The following TNKS variants were observed in gnomAD, a reference collection of about 807,000 sequenced individuals.
TNKS encodes poly [ADP-ribose] polymerase tankyrase-1.
Under a neutral mutation model 135.8 loss-of-function variants are expected in TNKS, and 72 were observed. That is an observed-to-expected ratio of 0.53 (90% CI 0.44 to 0.64). TNKS has a LOEUF of 0.64. Among genes scored for constraint, TNKS ranks in the 30% least tolerant of loss-of-function variants. TNKS has a pLI of 0.00. For synonymous variants in TNKS, 849 were observed against 649.3 expected (o/e 1.31, Z -4.68); for missense variants, 1,769 against 1,674.0 (o/e 1.06, Z -0.99).
intron 15 of TNKS, among the ~76,000 whole-genome samples, chr8:9,733,958 A>T (rs1300961043): frequency 6.6e-6 from 1 of 152,180 alleles, no homozygotes; most frequent in African/African-American, 2.4e-5. Context: ...TAGTAGTTAT[A>T]TGAAACTAAC....
At chr8:9,606,969 C>T (rs148584043) in intron 2 of TNKS, among the ~76,000 whole-genome samples, 267 of 152,136 alleles carry the variant, frequency 1.8e-3, no homozygotes, top group African/African-American at 5.9e-3. Context: ...CCTTGTTTTG[C>T]CTCGGTTTTG....
chr8:9,705,787 G>T (rs927024475), intron 6 of TNKS, among the ~76,000 whole-genome samples: 1 of 152,160 alleles, frequency 6.6e-6, no homozygotes. Flanking sequence ...TGATATGCAA[G>T]TTATAATAGT....
chr8:9,657,302 A>AC (rs1415002185), intron 3 of TNKS, among the ~76,000 whole-genome samples: 33 of 53,202 alleles, frequency 6.2e-4, no homozygotes, highest in African/African-American at 2.3e-3. Flanking sequence ...CGGGGGGCCG[A>AC]CCCCCCCACC....
chr8:9,765,782 C>G lies in TNKS; in HGVS notation c.3538C>G (p.Arg1180Gly), dbSNP rs758419770. The G allele has an allele frequency of 1.2e-6, 2 of 1,613,700 alleles. No homozygotes were observed. The highest frequency in any genetic ancestry group is 1.7e-6 in the Non-Finnish European group (2 of 1,179,740). The change falls in exon 24 of 27, where the codon CGC becomes GGC. Residue 1180 changes from arginine (R) to glycine (G), a missense_variant. Transcript: ENST00000310430. ...GGAGAATCACAACCATCACAATGAG[C>G]GCATGTTGTTTCATGGTAAGCAGCG... ...SEENHNHHNE[R>G]MLFHGSPFIN...
chr8:9,615,699 G>A lies in TNKS; in HGVS notation c.994+22G>A, dbSNP rs760176999. 34 of 1,568,498 alleles carry A rather than the reference G, an allele frequency of 2.2e-5. No individual in the cohort carries two copies. The African/African-American group carries it at 2.2e-4, about 10-fold the overall frequency. The stretch of plus-strand genomic sequence containing the variant: ...ACAGGTAAGAAGACAGAGAGCTACC[G>A]AATGATTATATCTGTGTAACTCCTT... On this transcript the variant is annotated intron_variant, in intron 3 of 26. Transcript: ENST00000310430.
chr8:9,581,718 ATAT>A (rs1798173076), intron 2 of TNKS, among the ~76,000 whole-genome samples: 2 of 152,140 alleles, frequency 1.3e-5, no homozygotes, highest in Admixed American at 6.6e-5. Context: ...CTTTCTTAAA[ATAT>A]TATCCTTTCC....
At chr8:9,567,246 T>C (rs1187387085) in intron 1 of TNKS, among the ~76,000 whole-genome samples, 2 of 152,208 alleles carry the variant, frequency 1.3e-5, no homozygotes, top group African/African-American at 4.8e-5. Flanking sequence ...AGTAAAACTT[T>C]TTTGTAAGTA....
Position 9,556,205 on chromosome 8 carries a change from G to C in TNKS, c.266G>C (p.Cys89Ser), listed in dbSNP as rs772478834. The C allele has an allele frequency of 6.2e-7, 1 of 1,614,124 alleles. No homozygotes were observed. The highest frequency in any genetic ancestry group is 1.7e-5 in the Admixed American group (1 of 60,032). ...CCGGACCCGGTTGACGGTACCAGCTGTTGCAGTACCACCAGCACAATCTGT... is the reference window on the plus strand; with the variant it reads ...CCGGACCCGGTTGACGGTACCAGCTCTTGCAGTACCACCAGCACAATCTGT... ...RSPDPVDGTS[C>S]CSTTSTICTV... Residue 89 changes from cysteine to serine, a missense_variant, in exon 1 of 27, where the codon TGT becomes TCT. By Grantham distance (112) the Cys-to-Ser change is moderately radical. Transcript: ENST00000310430.
chr8:9,590,307 C>G (rs780372824), intron 2 of TNKS, among the ~76,000 whole-genome samples: 1 of 152,128 alleles, frequency 6.6e-6, no homozygotes, highest in Non-Finnish European at 1.5e-5. Flanking sequence ...CTTGTTCTGC[C>G]TGCGGTACTC....
chr8:9,655,484 G>T (rs1314387553), intron 3 of TNKS, among the ~76,000 whole-genome samples: 3 of 152,152 alleles, frequency 2.0e-5, no homozygotes, highest in African/African-American at 4.8e-5. Context: ...TAACTGGGAG[G>T]CACCCCCCAG....
At chr8:9,658,167 A>C in intron 3 of TNKS, 2 of 213,120 alleles carry the variant, frequency 9.4e-6, no homozygotes, top group East Asian at 1.9e-4. Context: ...CTGGGCAGCC[A>C]GGCAGAGGGG....
At chr8:9,772,358 T>TATCTC (rs1563226808) in intron 26 of TNKS, 3 of 455,162 alleles carry the variant, frequency 6.6e-6, no homozygotes, top group Non-Finnish European at 1.3e-5. Flanking sequence ...AGGCTTATAT[T>TATCTC]ATCTCTCTAG....
chr8:9,709,446 T>C (rs538115146), intron 9 of TNKS, among the ~76,000 whole-genome samples: 1 of 152,300 alleles, frequency 6.6e-6, no homozygotes, highest in Admixed American at 6.5e-5. Flanking sequence ...TGTATAAATA[T>C]TATGTTAAAA....
rs1563234005 is a variant in TNKS, at chr8:9,781,707, A to C, written c.*4971A>C. ...ACAAAACCAGCTTTGAGAAAATGTT[A>C]TGTTGCCTGGCAACAGCACTCGGAG... On this transcript the variant is annotated 3_prime_UTR_variant, in exon 27 of 27. Transcript: ENST00000310430. The C allele has an allele frequency of 6.6e-6, 1 of 152,652 alleles. No individual in the cohort carries two copies. Among genetic ancestry groups the C allele is most frequent in the African/African-American group, 2.4e-5 (1 of 41,460 alleles). The allele number at this position is 152,652 out of a possible 1,614,324, so 9.5% of individuals were successfully genotyped here. A position where few individuals can be genotyped will look rare whatever the true frequency, so the allele number is the denominator to read the frequency against.
chr8:9,598,626 G>GCGGA (rs1047043305), intron 2 of TNKS, among the ~76,000 whole-genome samples: 5 of 151,280 alleles, frequency 3.3e-5, no homozygotes, highest in African/African-American at 1.2e-4. Context: ...AGCCAGTGAT[G>GCGGA]CGGAGGTTGC....
At chr8:9,719,511 C>G (rs1245599674) in intron 11 of TNKS, among the ~76,000 whole-genome samples, 1 of 152,140 alleles carries the variant, frequency 6.6e-6, no homozygotes, top group Non-Finnish European at 1.5e-5. Flanking sequence ...GCTAAATTGA[C>G]ATAGATGTTC....
chr8:9,748,369 T>C (rs1324183053), intron 18 of TNKS, among the ~76,000 whole-genome samples, 157 bp downstream of exon 18: 1 of 152,258 alleles, frequency 6.6e-6, no homozygotes, highest in Non-Finnish European at 1.5e-5. Flanking sequence ...TATGAAAATA[T>C]AATTTAAAAC....
At position 9,555,935 on chromosome 8, in the gene TNKS, C is replaced by T. The variant is rs758657116; in HGVS notation, c.-5C>T. The T allele has an allele frequency of 4.4e-6, 7 of 1,607,314 alleles. No individual in the cohort carries two copies. Among genetic ancestry groups the T allele is most frequent in the South Asian group, 1.1e-5 (1 of 90,000 alleles). Reference sequence around the variant, plus strand: ...CCGCAGTGACAGTGCTAGGGGAGTCCGAAGATGGCGGCGTCGCGTCGCTCT... The same window carrying T: ...CCGCAGTGACAGTGCTAGGGGAGTCTGAAGATGGCGGCGTCGCGTCGCTCT... On this transcript the variant is annotated 5_prime_UTR_variant, in exon 1 of 27. Coordinates refer to ENST00000310430, the MANE Select transcript of TNKS (RefSeq NM_003747.3).
intron 11 of TNKS, among the ~76,000 whole-genome samples, chr8:9,713,914 T>C (rs113811084): frequency 6.6e-6 from 1 of 152,178 alleles, no homozygotes; most frequent in African/African-American, 2.4e-5. Flanking sequence ...ACTCATGGTT[T>C]CCATTTGATT....
Sources: gnomAD v4.1 joint callset for allele counts (sites outside exome capture counted in the v4.1 genomes callset) on GRCh38, gnomAD v4.1.1 for gene constraint, MANE v1.5 for transcripts, NCBI Gene and HGNC (gene_info 2026-07-23, HGNC 2026-07-21) for gene names.